Variants in ZNF596 observed in about 807,000 individuals in gnomAD.
The protein encoded by ZNF596 is zinc finger protein 596.
A neutral mutation model predicts 48.3 loss-of-function variants in ZNF596; 45 were observed. The observed-to-expected ratio is 0.93, with a 90% CI of 0.73 to 1.19. The LOEUF is 1.19. Ranked by LOEUF, ZNF596 falls within the 50% of genes most tolerant of loss-of-function variation. ZNF596 has a pLI of 0.00. For synonymous variants in ZNF596, 270 were observed against 202.0 expected (o/e 1.34, Z -2.85); for missense variants, 848 against 599.7 (o/e 1.41, Z -4.32).
intron 1 of ZNF596, chr8:240,550 G>A (rs767651549): frequency 2.1e-4 from 52 of 245,718 alleles, no homozygotes; most frequent in South Asian, 1.3e-3. Flanking sequence ...TGGAATCATA[G>A]AAGGAATTAA....
At chr8:233,050 G>A (rs1186670388) in intron 1 of ZNF596, 6 of 468,514 alleles carry the variant, frequency 1.3e-5, no homozygotes, top group Non-Finnish European at 2.6e-5. Flanking sequence ...GGATGTCGAG[G>A]TGGGGCAGGA....
intron 1 of ZNF596, among the ~76,000 whole-genome samples, chr8:233,963 C>G (rs1584898214): frequency 6.6e-6 from 1 of 152,304 alleles, no homozygotes; most frequent in East Asian, 1.9e-4. Context: ...CTACTGGCTT[C>G]TGTTCACCTT....
chr8:246,568 G>A lies in ZNF596; in HGVS notation c.*206G>A. 1.9e-6 allele frequency: 1 copy of A among 520,304 alleles called. No individual in the cohort carries two copies. The highest frequency in any genetic ancestry group is 3.2e-6 in the Non-Finnish European group (1 of 312,012). The allele number at this position is 520,304 out of a possible 1,614,324, so 32.2% of individuals were successfully genotyped here. A position where few individuals can be genotyped will look rare whatever the true frequency, so the allele number is the denominator to read the frequency against. ...TAGGCTGACCATATACAACGTGAGA[G>A]AATGAAACTATAGATCAAAGGAATG... On this transcript the variant is annotated 3_prime_UTR_variant, in exon 6 of 6. Transcript: ENST00000398612.
chr8:246,218 T>C lies in ZNF596; in HGVS notation c.1371T>C (p.Asn457=), dbSNP rs1797081856. Residue 457 remains asparagine, a synonymous_variant, in exon 6 of 6, where the codon AAT becomes AAC. Coordinates refer to ENST00000398612, the MANE Select transcript of ZNF596 (RefSeq NM_001042416.3). The part of the protein sequence containing the change: ...YECNICGKAF[N]RSYNFRLHRR... ...GCAATATATGTGGTAAAGCCTTCAATAGAAGTTACAACTTTAGACTTCATA... is the reference window on the plus strand; with the variant it reads ...GCAATATATGTGGTAAAGCCTTCAACAGAAGTTACAACTTTAGACTTCATA... 4.3e-6 allele frequency: 7 copies of C among 1,614,044 alleles called. No individual in the cohort carries two copies. The highest frequency in any genetic ancestry group is 1.7e-5 in the Admixed American group (1 of 60,002).
In ZNF596 at chr8:245,027, A is replaced by G. The variant is rs548140481; in HGVS notation, c.307-127A>G. 154 of 1,170,460 alleles carry G rather than the reference A, an allele frequency of 1.3e-4. 2 individuals carry two copies. The South Asian group carries it at 2.1e-3, about 16-fold the overall frequency. 72.5% of individuals were successfully genotyped at this position (1,170,460 alleles called of 1,614,324 possible). On this transcript the variant is annotated intron_variant, in intron 5 of 5. Transcript: ENST00000398612. ...TATACTACGTTTGTATAACTGATAT[A>G]GGAACAATTGTAACTGGAGTCTACC...
chr8:235,033 T>A (rs1796567130), intron 1 of ZNF596: 1 of 152,206 alleles, frequency 6.6e-6, no homozygotes, highest in Non-Finnish European at 1.5e-5. Flanking sequence ...CTTAAAACAA[T>A]GAATCAGTAT....
intron 1 of ZNF596, chr8:233,753 A>T (rs1200840391): frequency 6.6e-6 from 1 of 152,194 alleles, no homozygotes; most frequent in Admixed American, 6.5e-5. Context: ...TAAGGTTTAT[A>T]TTTTTTGATG....
chr8:232,406 G>C (rs1478913196), upstream of ZNF596: 2 of 201,624 alleles, frequency 9.9e-6, no homozygotes, highest in East Asian at 1.9e-4. Flanking sequence ...CGGAGCCGAG[G>C]TCCGCTCGGG....
chr8:233,982 C>T (rs188083870), intron 1 of ZNF596, among the ~76,000 whole-genome samples: 1 of 152,248 alleles, frequency 6.6e-6, no homozygotes, highest in African/African-American at 2.4e-5. Context: ...TTTCCACCGG[C>T]CCCAAGACAC....
intron 1 of ZNF596, 128 bp from the exon 2 acceptor site, chr8:240,696 A>G (rs1796817867): frequency 1.6e-6 from 1 of 613,056 alleles, no homozygotes; most frequent in Admixed American, 2.8e-5. Context: ...GAGAGCCACC[A>G]ACCCAACCCA....
At chr8:243,610 G>A (rs533752882) in intron 3 of ZNF596, 112 bp from the exon 4 acceptor site, 10 of 942,596 alleles carry the variant, frequency 1.1e-5, no homozygotes, top group African/African-American at 1.6e-5. Context: ...CTCTTCCCAG[G>A]CTGACCTTCA....
intron 1 of ZNF596, among the ~76,000 whole-genome samples, chr8:236,146 C>T (rs911299895): frequency 6.6e-6 from 1 of 152,048 alleles, no homozygotes; most frequent in Non-Finnish European, 1.5e-5. Context: ...TTACATGGGT[C>T]TACAAATTTA....
chr8:233,477 A>G (rs1436197372), intron 1 of ZNF596: 8 of 248,304 alleles, frequency 3.2e-5, no homozygotes, highest in African/African-American at 1.9e-4. Context: ...TCGTAAGGAT[A>G]ATGATGATTT....
rs570904740 is a variant in ZNF596, at chr8:234,113, G to C, written c.-73+1419G>C. Among the ~76,000 whole-genome samples the C allele has an allele frequency of 3.3e-5, 5 of 152,324 alleles. No homozygotes were observed. The East Asian group carries it at 7.7e-4, about 23-fold the overall frequency. ...GTTCTGGGAAGGAAGCTTGGGATTT[G>C]GGTATTCAGGATCCAGAAGTGAGAG... On this transcript the variant is annotated intron_variant, in intron 1 of 5. Coordinates refer to ENST00000398612, the MANE Select transcript of ZNF596 (RefSeq NM_001042416.3).
chr8:234,294 A>T (rs893953437), intron 1 of ZNF596: 2 of 152,212 alleles, frequency 1.3e-5, no homozygotes, highest in African/African-American at 2.4e-5. Flanking sequence ...ATGTGTGTGG[A>T]CTTCACTAGG....
Position 246,119 on chromosome 8 carries a change from C to A in ZNF596, c.1272C>A (p.Cys424Ter), listed in dbSNP as rs756701581. 5 of 1,611,364 alleles carry A rather than the reference C, an allele frequency of 3.1e-6. No individual in the cohort carries two copies. The highest frequency in any genetic ancestry group is 3.4e-6 in the Non-Finnish European group (4 of 1,178,870). Residue 424 changes from cysteine (C) to a stop codon, truncating the protein, a stop_gained, in exon 6 of 6, where the codon TGC (cysteine) becomes TGA (stop). Transcript: ENST00000398612. LOFTEE classifies it high-confidence loss of function. ...AAAAACCATATGAATGCCATCTATG[C>A]GGAAAAGCCTTCAATCACTCTTCTG... is the stretch of plus-strand genomic sequence containing the variant. ...TGEKPYECHL[C>*]GKAFNHSSVL...
intron 1 of ZNF596, 173 bp from the exon 2 acceptor site, chr8:240,651 A>G (rs1796815840): frequency 1.9e-6 from 1 of 517,704 alleles, no homozygotes; most frequent in Non-Finnish European, 3.4e-6. Flanking sequence ...TATCTTTATT[A>G]GCAGCAATAG....
At chr8:238,609 T>C (rs1796715004) in intron 1 of ZNF596, among the ~76,000 whole-genome samples, 1 of 139,414 alleles carries the variant, frequency 7.2e-6, no homozygotes, top group African/African-American at 2.8e-5. Flanking sequence ...AAAATCAGCT[T>C]TGCCAACATG....
Position 245,364 on chromosome 8 carries a change from G to C in ZNF596, c.517G>C (p.Asp173His), listed in dbSNP as rs148785316. The change falls in exon 6 of 6, where the codon GAT (aspartate) becomes CAT (histidine). Residue 173 changes from aspartate to histidine, a missense_variant. By Grantham distance (81) the Asp-to-His change is moderately conservative. Transcript: ENST00000398612. Reference protein sequence around the residue: ...KCKSYGSHLFDYAFIQNSALR... With the variant: ...KCKSYGSHLFHYAFIQNSALR... ...TAAATCATATGGAAGTCATCTATTT[G>C]ATTATGCCTTTATCCAAAACTCTGC... 2 of 1,613,972 alleles carry C rather than the reference G, an allele frequency of 1.2e-6. No individual in the cohort carries two copies. Among genetic ancestry groups the C allele is most frequent in the African/African-American group, 1.3e-5 (1 of 74,932 alleles).
Sources: allele counts gnomAD v4.1 joint callset (sites outside exome capture counted in the v4.1 genomes callset), GRCh38; gene constraint gnomAD v4.1.1; transcripts MANE v1.5; gene names NCBI Gene and HGNC (gene_info 2026-07-23, HGNC 2026-07-21).